SEC63: variants seen among roughly 807,000 people sequenced by gnomAD.
SEC63 encodes translocation protein SEC63 homolog.
SEC63 carries 56 observed loss-of-function variants against 116.2 expected under a neutral mutation model. That is an observed-to-expected ratio of 0.48 (90% CI 0.39 to 0.60). The LOEUF is 0.60. Ranked by LOEUF, SEC63 falls within the 20% of genes least tolerant of loss-of-function variation. The pLI is 0.00. For synonymous variants in SEC63, 273 were observed against 294.6 expected (o/e 0.93, Z 0.75); for missense variants, 668 against 900.0 (o/e 0.74, Z 3.30).
chr6:107,930,177 T>TTTTC (rs1787767754), intron 1 of SEC63: 1 of 137,540 alleles, frequency 7.3e-6, no homozygotes, highest in Non-Finnish European at 1.5e-5. Context: ...AGTATTCTTT[T>TTTTC]TTTTTTTTTT....
At chr6:107,954,023 A>T (rs1770649363) in intron 1 of SEC63, among the ~76,000 whole-genome samples, 1 of 152,232 alleles carries the variant, frequency 6.6e-6, no homozygotes, top group Non-Finnish European at 1.5e-5. Context: ...GTGGAATAGA[A>T]AGAGGGGAAA....
chr6:107,924,301 G>T (rs966143386), intron 3 of SEC63, among the ~76,000 whole-genome samples: 1 of 148,152 alleles, frequency 6.7e-6, no homozygotes, highest in Non-Finnish European at 1.5e-5. Flanking sequence ...TTAACCGGCC[G>T]GGCGCGGTGG....
intron 13 of SEC63, among the ~76,000 whole-genome samples, chr6:107,899,242 C>T (rs1023398167): frequency 2.0e-5 from 3 of 152,150 alleles, no homozygotes; most frequent in Middle Eastern, 3.2e-3. Flanking sequence ...TCTTCTACTC[C>T]TCCTTCACCA....
chr6:107,874,487 T>A (rs1365618316), intron 19 of SEC63, among the ~76,000 whole-genome samples: 1 of 149,758 alleles, frequency 6.7e-6, no homozygotes, highest in African/African-American at 2.5e-5. Context: ...TCCCAGCTAC[T>A]CAGGAGGCTG....
chr6:107,874,607 A>AAC (rs1156560977), intron 19 of SEC63, among the ~76,000 whole-genome samples: 1 of 151,832 alleles, frequency 6.6e-6, no homozygotes, highest in Non-Finnish European at 1.5e-5. Context: ...AAAAAAAAAA[A>AAC]AAAAAAAAGA....
chr6:107,924,968 T>C (rs1213520547), intron 2 of SEC63, 36 bp from the exon 3 acceptor site: 2 of 1,133,008 alleles, frequency 1.8e-6, no homozygotes, highest in Admixed American at 1.7e-5. Context: ...CATAAACAAA[T>C]ACATCTGCAT....
intron 1 of SEC63, among the ~76,000 whole-genome samples, chr6:107,955,077 A>G (rs927424104): frequency 1.1e-4 from 16 of 152,346 alleles, no homozygotes; most frequent in Admixed American, 6.5e-4. Context: ...TGGAAACCAC[A>G]CAGGGCTCTG....
At chr6:107,884,098 A>AAAC (rs1562315089) in intron 16 of SEC63, among the ~76,000 whole-genome samples, 3 of 150,092 alleles carry the variant, frequency 2.0e-5, no homozygotes, top group Admixed American at 6.6e-5. Flanking sequence ...AAAAATACAA[A>AAAC]AAACAAACAA....
chr6:107,895,468 G>A (rs1218935040), intron 14 of SEC63, among the ~76,000 whole-genome samples: 2 of 151,022 alleles, frequency 1.3e-5, no homozygotes, highest in African/African-American at 4.9e-5. Context: ...CAGCACTTTA[G>A]GAGGCTGAAA....
chr6:107,937,571 G>A (rs1218055916), intron 1 of SEC63, among the ~76,000 whole-genome samples: 1 of 152,140 alleles, frequency 6.6e-6, no homozygotes, highest in Non-Finnish European at 1.5e-5. Flanking sequence ...ACTCAGTAAT[G>A]GGATTGTTGG....
intron 19 of SEC63, 72 bp from the exon 20 acceptor site, chr6:107,872,984 A>G: frequency 1.0e-6 from 1 of 963,416 alleles, no homozygotes; most frequent in Non-Finnish European, 1.6e-6. Context: ...AAATTCCTAG[A>G]CCACAGTATT....
At chr6:107,873,054 C>T (rs1786170864) in intron 19 of SEC63, 142 bp from the exon 20 acceptor site, 2 of 655,856 alleles carry the variant, frequency 3.0e-6, no homozygotes, top group Non-Finnish European at 5.5e-6. Flanking sequence ...TACTAAAGTC[C>T]TTATAAACAA....
chr6:107,913,739 T>C (rs1403019738), intron 4 of SEC63, among the ~76,000 whole-genome samples: 1 of 152,246 alleles, frequency 6.6e-6, no homozygotes, highest in African/African-American at 2.4e-5. Flanking sequence ...AACTACATTT[T>C]CTAAGAAGGC....
At chr6:107,901,558 C>T (rs1172455746) in intron 12 of SEC63, 41 bp from the exon 13 acceptor site, 1 of 1,406,226 alleles carries the variant, frequency 7.1e-7, no homozygotes, top group East Asian at 2.5e-5. Context: ...TTCCCTAACT[C>T]ACAAAGCTTT....
intron 1 of SEC63, among the ~76,000 whole-genome samples, chr6:107,951,069 T>A (rs17069050): frequency 0.065 from 9,955 of 152,206 alleles, 1,022 homozygotes; most frequent in African/African-American, 0.22. Context: ...GGATTGAAAT[T>A]CCACATAAAC....
At chr6:107,892,921 T>G (rs1256754525) in intron 16 of SEC63, among the ~76,000 whole-genome samples, 1 of 152,196 alleles carries the variant, frequency 6.6e-6, no homozygotes, top group Non-Finnish European at 1.5e-5. Flanking sequence ...TTTAACGAGT[T>G]AAGCATGCAC....
rs1190438100 is a variant in SEC63, at chr6:107,912,770, T to C, written c.519A>G (p.Thr173=). 1 of 1,610,114 alleles carries C rather than the reference T, an allele frequency of 6.2e-7. No individual in the cohort carries two copies. Among genetic ancestry groups the C allele is most frequent in the African/African-American group, 1.3e-5 (1 of 74,982 alleles). ...AAGCTGGCAGGGCAATTCCAAAGCT[T>C]GTGGCTGAAATAGAAAAAATATCAG... ...EFGNPDGPQA[T]SFGIALPAWI... is the part of the protein sequence containing the mutation. The change falls in exon 6 of 21, where the codon ACA becomes ACG. Residue 173 remains threonine, a synonymous_variant. Transcript: ENST00000369002.
Position 107,958,179 on chromosome 6 carries a change from T to TGCCGCC in SEC63, c.-176_-171dup, listed in dbSNP as rs2114531213. 6 of 1,016,088 alleles carry TGCCGCC rather than the reference T, an allele frequency of 5.9e-6. No homozygotes were observed. Among genetic ancestry groups the TGCCGCC allele is most frequent in the Non-Finnish European group, 8.7e-6 (6 of 690,310 alleles). 62.9% of individuals were successfully genotyped at this position (1,016,088 alleles called of 1,614,324 possible). A position where few individuals can be genotyped will look rare whatever the true frequency, so the allele number is the denominator to read the frequency against. On this transcript the variant is annotated 5_prime_UTR_variant, in exon 1 of 21. Transcript: ENST00000369002. ...GACACGCCGCCGCCACCTCTGCCGCTGCCGCCGCCGTCGCCAGCTCTCGCG... is the reference window on the plus strand; with the variant it reads ...GACACGCCGCCGCCACCTCTGCCGCTGCCGCCGCCGCCGCCGTCGCCAGCTCTCGCG...
chr6:107,928,390 G>A (rs1479373639), intron 2 of SEC63, among the ~76,000 whole-genome samples: 1 of 151,858 alleles, frequency 6.6e-6, no homozygotes, highest in Non-Finnish European at 1.5e-5. Context: ...TCAGGAGGCT[G>A]AGGTGGGAGG....
Sources: gnomAD v4.1 joint callset for allele counts (sites outside exome capture counted in the v4.1 genomes callset) on GRCh38, gnomAD v4.1.1 for gene constraint, MANE v1.5 for transcripts, NCBI Gene and HGNC (gene_info 2026-07-23, HGNC 2026-07-21) for gene names.